The following BEND6 variants were observed in gnomAD, a reference collection of about 807,000 sequenced individuals.
The protein encoded by BEND6 is BEN domain containing 6.
BEND6 carries 24 observed loss-of-function variants against 31.8 expected under a neutral mutation model. That is an observed-to-expected ratio of 0.75 (90% CI 0.55 to 1.06). BEND6 has a LOEUF of 1.06. Ranked by LOEUF, BEND6 falls within the 50% of genes least tolerant of loss-of-function variation. The pLI is 0.00. For synonymous variants in BEND6, 109 were observed against 114.6 expected (o/e 0.95, Z 0.31); for missense variants, 294 against 327.4 (o/e 0.90, Z 0.79).
At chr6:56,959,412 A>G (rs1343096327) in intron 1 of BEND6, among the ~76,000 whole-genome samples, 1 of 152,256 alleles carries the variant, frequency 6.6e-6, no homozygotes, top group Non-Finnish European at 1.5e-5. Context: ...TCACACAAGG[A>G]CATTACATTG....
Position 57,018,518 on chromosome 6 carries a change from C to A in BEND6, c.810C>A (p.Ser270Arg). 6.4e-7 allele frequency: 1 copy of A among 1,572,042 alleles called. No individual in the cohort carries two copies. The highest frequency in any genetic ancestry group is 2.0e-5 in the Admixed American group (1 of 50,344). Residue 270 changes from serine (S) to arginine (R), a missense_variant, in exon 6 of 7, where the codon AGC becomes AGA. Physicochemically the swap from Ser to Arg is moderately radical, Grantham distance 110. Coordinates refer to ENST00000370746, the MANE Select transcript of BEND6 (RefSeq NM_152731.3). ...LNNCTKKPNL[S>R]KNLNSQDIK ...ACTGTACCAAGAAGCCAAATTTAAG[C>A]AAAAATCTTAACTCTCAGGATATTA...
intron 6 of BEND6, among the ~76,000 whole-genome samples, chr6:57,024,253 A>T (rs1827837454): frequency 6.6e-6 from 1 of 152,170 alleles, no homozygotes; most frequent in South Asian, 2.1e-4. Flanking sequence ...GTAAATGACA[A>T]TTACAGTTTT....
At chr6:56,971,243 A>T (rs2127844686) in intron 1 of BEND6, among the ~76,000 whole-genome samples, 1 of 152,338 alleles carries the variant, frequency 6.6e-6, no homozygotes, top group African/African-American at 2.4e-5. Context: ...TATTTTTGGA[A>T]CTGGCATATT....
chr6:57,006,081 C>T (rs1364793438), intron 3 of BEND6, among the ~76,000 whole-genome samples: 1 of 152,168 alleles, frequency 6.6e-6, no homozygotes, highest in East Asian at 1.9e-4. Context: ...AAGCAAACCA[C>T]CTGAGTTCAA....
At chr6:57,014,547 G>A in intron 3 of BEND6, 2 of 1,472,732 alleles carry the variant, frequency 1.4e-6, no homozygotes, top group South Asian at 2.7e-5. Context: ...TTTGAAAAAA[G>A]GAACAAAGAA....
chr6:56,965,414 T>C (rs1007117882), intron 1 of BEND6, among the ~76,000 whole-genome samples: 2 of 152,130 alleles, frequency 1.3e-5, no homozygotes, highest in African/African-American at 4.8e-5. Flanking sequence ...AGTTATTTCA[T>C]TAATATATGA....
At chr6:56,958,273 CA>C (rs2127835932) in intron 1 of BEND6, among the ~76,000 whole-genome samples, 1 of 152,296 alleles carries the variant, frequency 6.6e-6, no homozygotes, top group African/African-American at 2.4e-5. Context: ...CAAAAGATAG[CA>C]GTGAGTAAGG....
Position 57,019,299 on chromosome 6 carries a change from C to T in BEND6, c.*9+742C>T, listed in dbSNP as rs905672965. Among the ~76,000 whole-genome samples the T allele has an allele frequency of 2.0e-5, 3 of 152,156 alleles. No homozygotes were observed. In the East Asian group the frequency reaches 5.8e-4, roughly 29 times the overall value. On this transcript the variant is annotated intron_variant, in intron 6 of 6. Transcript: ENST00000370746. Reference sequence around the variant, plus strand: ...ATCCTGGCTAGCTCACTTTTACTTACCCCTCCTCTCTCTCAACTATTTTGA... The same window carrying T: ...ATCCTGGCTAGCTCACTTTTACTTATCCCTCCTCTCTCTCAACTATTTTGA...
At chr6:56,974,666 A>G (rs1200779760) in intron 1 of BEND6, among the ~76,000 whole-genome samples, 1 of 152,196 alleles carries the variant, frequency 6.6e-6, no homozygotes, top group Non-Finnish European at 1.5e-5. Flanking sequence ...TTAATAATTG[A>G]CAGCATTTTG....
In BEND6 at chr6:56,994,577, T is replaced by C. The variant is rs539102485; in HGVS notation, c.298+2022T>C. Among the ~76,000 whole-genome samples the C allele has an allele frequency of 5.4e-5, 8 of 147,968 alleles. No individual in the cohort carries two copies. In the East Asian group the frequency reaches 1.7e-3, roughly 32 times the overall value. ...ATTTCACTGTGCCCTTATCCCCCAC[T>C]AAGGTTTCCTCATCCAAAAAGCAGA... is the stretch of plus-strand genomic sequence containing the variant. On this transcript the variant is annotated intron_variant, in intron 3 of 6. Transcript: ENST00000370746.
At chr6:57,024,838 A>C (rs1827854800) in intron 6 of BEND6, among the ~76,000 whole-genome samples, 1 of 152,146 alleles carries the variant, frequency 6.6e-6, no homozygotes, top group African/African-American at 2.4e-5. Flanking sequence ...AATAATAATA[A>C]GTCTTCGATT....
At chr6:57,025,073 CCTAT>C (rs1827861076) in intron 6 of BEND6, among the ~76,000 whole-genome samples, 2 of 152,128 alleles carry the variant, frequency 1.3e-5, no homozygotes, top group Admixed American at 1.3e-4. Context: ...TTAAATTATT[CCTAT>C]CTCTTTGTTA....
In BEND6 at chr6:56,976,122, TATTTA is replaced by T. The variant is rs1825864123; in HGVS notation, c.-100-5583_-100-5579del. 1.2e-5 allele frequency: 3 copies of T among 246,596 alleles called. No homozygotes were observed. The South Asian group carries it at 1.9e-4, about 15-fold the overall frequency. The allele number at this position is 246,596 out of a possible 1,614,324, so 15.3% of individuals were successfully genotyped here. On this transcript the variant is annotated intron_variant, in intron 1 of 6. Transcript: ENST00000370746. ...GCCCCACATACCACCTGGAAACAAT[TATTTA>T]ATTTATTTTTTATTATCAGTGCATG...
At chr6:56,991,228 T>G (rs951369660) in intron 2 of BEND6, among the ~76,000 whole-genome samples, 3 of 152,230 alleles carry the variant, frequency 2.0e-5, no homozygotes, top group African/African-American at 7.2e-5. Flanking sequence ...TTTTACTTCT[T>G]TCATAAAGCT....
intron 1 of BEND6, among the ~76,000 whole-genome samples, chr6:56,965,680 A>T (rs1418937147): frequency 1.1e-5 from 1 of 94,250 alleles, no homozygotes; most frequent in Non-Finnish European, 2.4e-5. Context: ...AAAAATTTAT[A>T]TATATATATA....
At chr6:57,000,582 C>A (rs368452363) in intron 3 of BEND6, among the ~76,000 whole-genome samples, 13 of 113,544 alleles carry the variant, frequency 1.1e-4, no homozygotes, top group African/African-American at 2.5e-4. Flanking sequence ...ACTAAAAAAA[C>A]AAACAAAAAA....
chr6:56,972,861 C>G (rs1825738018), intron 1 of BEND6, among the ~76,000 whole-genome samples: 1 of 152,206 alleles, frequency 6.6e-6, no homozygotes, highest in Non-Finnish European at 1.5e-5. Flanking sequence ...GGTGAAGGCT[C>G]TATTTCTGGC....
At chr6:56,990,842 A>T (rs376255043) in intron 2 of BEND6, among the ~76,000 whole-genome samples, 1 of 152,174 alleles carries the variant, frequency 6.6e-6, no homozygotes, top group African/African-American at 2.4e-5. Flanking sequence ...GGAGTCAGAC[A>T]ATCTTGAGAT....
At chr6:56,966,349 G>A (rs1005531133) in intron 1 of BEND6, among the ~76,000 whole-genome samples, 21 of 152,120 alleles carry the variant, frequency 1.4e-4, no homozygotes, top group Non-Finnish European at 4.4e-5. Context: ...TGATCCGCCT[G>A]CCTCGGCCTC....
Sources: allele counts gnomAD v4.1 joint callset (sites outside exome capture counted in the v4.1 genomes callset), GRCh38; gene constraint gnomAD v4.1.1; transcripts MANE v1.5; gene names NCBI Gene and HGNC (gene_info 2026-07-23, HGNC 2026-07-21).